Variants in TTBK2 observed in about 807,000 individuals in gnomAD.
TTBK2 encodes tau tubulin kinase 2, also known as tau-tubulin kinase 2.
TTBK2 carries 28 observed loss-of-function variants against 110.8 expected under a neutral mutation model. The observed-to-expected ratio is 0.25, with a 90% CI of 0.19 to 0.35. TTBK2 has a LOEUF of 0.35. Ranked by LOEUF, TTBK2 falls within the 10% of genes least tolerant of loss-of-function variation. The probability of loss-of-function intolerance (pLI) is 1.00; values close to 1 mark genes in which losing one functional copy is unlikely to be tolerated. For missense variants in TTBK2, 1,369 were observed against 1,500.3 expected, an observed-to-expected ratio of 0.91 and a Z score of 1.45; for synonymous variants, 532 against 527.3, an observed-to-expected ratio of 1.01 and a Z score of -0.12.
At chr15:42,771,592 T>C (rs775058258) in intron 13 of TTBK2, among the ~76,000 whole-genome samples, 8 of 152,220 alleles carry the variant, frequency 5.3e-5, no homozygotes, top group Admixed American at 2.0e-4. Flanking sequence ...ACTGCTAATT[T>C]AAATTTTATT....
chr15:42,801,614 T>C (rs1169549189), intron 9 of TTBK2: 2 of 798,684 alleles, frequency 2.5e-6, no homozygotes, highest in East Asian at 4.9e-5. Flanking sequence ...AATCTCCTCG[T>C]ACTGCACCTT....
Position 42,774,617 on chromosome 15 carries a change from G to C in TTBK2, c.1998+518C>G, listed in dbSNP as rs11630105. 2.6e-3 allele frequency among the ~76,000 whole-genome samples: 402 copies of C among 152,236 alleles called. 2 individuals carry two copies. Among genetic ancestry groups the C allele is most frequent in the Admixed American group, 4.1e-3 (62 of 15,294 alleles). ...AACAAAAGTTCTGGAAGTGAGGCCT[G>C]GGACTCTGCATTTTGAACAGTGGCC... On this transcript the variant is annotated intron_variant, in intron 13 of 14. Transcript: ENST00000267890.
At chr15:42,902,001 A>G (rs1349016910) in intron 1 of TTBK2, among the ~76,000 whole-genome samples, 6 of 152,072 alleles carry the variant, frequency 3.9e-5, no homozygotes, top group African/African-American at 1.4e-4. Context: ...AGATCACCTG[A>G]GGTCAGGAGT....
intron 1 of TTBK2, among the ~76,000 whole-genome samples, chr15:42,898,573 C>T (rs1384618015): frequency 6.6e-6 from 1 of 151,712 alleles, no homozygotes; most frequent in Non-Finnish European, 1.5e-5. Flanking sequence ...AACTTAAACT[C>T]TAAGTACTGG....
At chr15:42,782,338 C>T (rs560207724) in intron 11 of TTBK2, among the ~76,000 whole-genome samples, 3 of 152,290 alleles carry the variant, frequency 2.0e-5, no homozygotes, top group South Asian at 4.1e-4. Flanking sequence ...TCCCAAAGTG[C>T]TAGGATTACA....
intron 1 of TTBK2, among the ~76,000 whole-genome samples, chr15:42,893,938 TA>T (rs986631149): frequency 3.3e-5 from 5 of 152,110 alleles, no homozygotes; most frequent in African/African-American, 1.2e-4. Context: ...ATAGTCCTAC[TA>T]AAAAAATATG....
chr15:42,797,235 G>C (rs1890984958), intron 9 of TTBK2, among the ~76,000 whole-genome samples: 1 of 152,240 alleles, frequency 6.6e-6, no homozygotes. Context: ...TTCTCTGTCT[G>C]TACTGTGCTG....
intron 1 of TTBK2, among the ~76,000 whole-genome samples, chr15:42,901,615 T>TAA (rs770303940): frequency 3.4e-5 from 4 of 117,274 alleles, no homozygotes; most frequent in Admixed American, 1.8e-4. Context: ...ACCTCGTCTC[T>TAA]AAAAAAAAAA....
At chr15:42,771,311 A>G (rs1176790750) in intron 13 of TTBK2, among the ~76,000 whole-genome samples, 1 of 152,078 alleles carries the variant, frequency 6.6e-6, no homozygotes, top group Non-Finnish European at 1.5e-5. Context: ...ATTTTTAATT[A>G]CCATGCTAAA....
At chr15:42,909,355 T>C (rs1210389706) in intron 1 of TTBK2, among the ~76,000 whole-genome samples, 1 of 152,208 alleles carries the variant, frequency 6.6e-6, no homozygotes, top group East Asian at 1.9e-4. Flanking sequence ...AAGTCAGTAG[T>C]ATAGCATCTT....
In TTBK2 at chr15:42,845,403, C is replaced by T. The variant is rs115561760; in HGVS notation, c.218-4970G>A. On this transcript the variant is annotated intron_variant, in intron 3 of 14. Transcript: ENST00000267890. ...GGTACCTGCCAGGCACAGTAGCTCA[C>T]GCCTGTAATCCCTGCACTTTGGGAG... Among the ~76,000 whole-genome samples the T allele has an allele frequency of 9.0e-3, 1,363 of 152,034 alleles. 15 individuals carry two copies. The highest frequency in any genetic ancestry group is 0.031 in the African/African-American group (1,295 of 41,480).
chr15:42,839,997 T>A (rs1457867000), intron 4 of TTBK2, among the ~76,000 whole-genome samples: 2 of 152,190 alleles, frequency 1.3e-5, no homozygotes, highest in Non-Finnish European at 2.9e-5. Flanking sequence ...GTCTTGGGTA[T>A]TCTGCAGCAG....
chr15:42,835,362 C>G (rs144035740), intron 4 of TTBK2, among the ~76,000 whole-genome samples: 11 of 152,226 alleles, frequency 7.2e-5, no homozygotes, highest in African/African-American at 2.4e-4. Flanking sequence ...CAAAGTAAAA[C>G]TGGAATCTTA....
intron 1 of TTBK2, among the ~76,000 whole-genome samples, chr15:42,894,414 C>A (rs563431877): frequency 1.3e-5 from 2 of 151,962 alleles, no homozygotes; most frequent in African/African-American, 2.4e-5. Flanking sequence ...GAGGAAAAAA[C>A]ACTTCCCATC....
intron 14 of TTBK2, among the ~76,000 whole-genome samples, chr15:42,751,214 G>A (rs1263989911): frequency 2.0e-5 from 3 of 152,172 alleles, no homozygotes; most frequent in Non-Finnish European, 4.4e-5. Context: ...AGAGATTAAT[G>A]CATTTTAAAA....
rs1164981729 is a variant in TTBK2, at chr15:42,901,588, C to G, written c.-68+18850G>C. 4.0e-5 allele frequency among the ~76,000 whole-genome samples: 6 copies of G among 148,302 alleles called. No individual in the cohort carries two copies. In the East Asian group the frequency reaches 1.2e-3, roughly 30 times the overall value. On this transcript the variant is annotated intron_variant, in intron 1 of 14. Transcript: ENST00000267890. ...CTTGAGCCCAGAAGTTCAAGTCCAG[C>G]TGGGCAAAATAGCGAGACCTCGTCT...
At chr15:42,878,251 G>C (rs1278590188) in intron 2 of TTBK2, among the ~76,000 whole-genome samples, 2 of 151,288 alleles carry the variant, frequency 1.3e-5, no homozygotes, top group Admixed American at 1.3e-4. Flanking sequence ...CAAAGTGCTG[G>C]GATTATAGGC....
At chr15:42,763,192 ATTTTTTTTTTTTTTTTTTTTTT>A (rs1183545103) in intron 13 of TTBK2, among the ~76,000 whole-genome samples, 8 of 13,382 alleles carry the variant, frequency 6.0e-4, no homozygotes, top group African/African-American at 1.9e-3. Context: ...ATATATATAT[ATTTTTTTTTTTTTTTTTTTTTT>A]TTTTTTTTTT....
At chr15:42,761,327 A>T (rs2062022144) in intron 13 of TTBK2, among the ~76,000 whole-genome samples, 1 of 152,226 alleles carries the variant, frequency 6.6e-6, no homozygotes, top group Non-Finnish European at 1.5e-5. Context: ...AATAAACTGG[A>T]TTATATCAAA....
Sources: allele counts gnomAD v4.1 joint callset (sites outside exome capture counted in the v4.1 genomes callset), GRCh38; gene constraint gnomAD v4.1.1; transcripts MANE v1.5; gene names NCBI Gene and HGNC (gene_info 2026-07-23, HGNC 2026-07-21).